Variants in VTI1A observed in about 807,000 individuals in gnomAD.
The protein encoded by VTI1A is vesicle transport through interaction with t-SNAREs 1A, also known as vesicle transport through interaction with t-SNAREs homolog 1A.
Under a neutral mutation model 34.9 loss-of-function variants are expected in VTI1A, and 22 were observed. The observed-to-expected ratio is 0.63, with a 90% CI of 0.45 to 0.90. The LOEUF (loss-of-function observed/expected upper bound fraction) is 0.90. Ranked by LOEUF, VTI1A falls within the 40% of genes least tolerant of loss-of-function variation. The pLI is 0.00. For synonymous variants in VTI1A, 87 were observed against 97.3 expected, an observed-to-expected ratio of 0.89 and a Z score of 0.62; for missense variants, 268 against 275.6, an observed-to-expected ratio of 0.97 and a Z score of 0.20.
In VTI1A at chr10:112,816,046, A is replaced by G. The variant is rs1853513005; in HGVS notation, c.*663A>G. ...GCCTGCCCAGTATTCACTGTTCACA[A>G]CTTTGATTACTGGCTACAAGAAATA... is the stretch of plus-strand genomic sequence containing the variant. On this transcript the variant is annotated 3_prime_UTR_variant, in exon 8 of 8. Coordinates refer to ENST00000393077, the MANE Select transcript of VTI1A (RefSeq NM_145206.4). 1 of 221,708 alleles carries G rather than the reference A, an allele frequency of 4.5e-6. No homozygotes were observed. The highest frequency in any genetic ancestry group is 6.6e-5 in the East Asian group (1 of 15,190). The allele number at this position is 221,708 out of a possible 1,614,324, so 13.7% of individuals were successfully genotyped here.
Position 112,551,441 on chromosome 10 carries a change from C to T in VTI1A, c.427+13111C>T, listed in dbSNP as rs565899607. Among the ~76,000 whole-genome samples the T allele has an allele frequency of 6.6e-5, 10 of 152,106 alleles. No homozygotes were observed. The South Asian group carries it at 1.9e-3, about 28-fold the overall frequency. ...ATGTGGACTGGACTTCTATTGATCTCTGCTATAGCAAGAAAAATACTGCCT... is the reference window on the plus strand; with the variant it reads ...ATGTGGACTGGACTTCTATTGATCTTTGCTATAGCAAGAAAAATACTGCCT... On this transcript the variant is annotated intron_variant, in intron 5 of 7. Transcript: ENST00000393077.
At chr10:112,512,153 G>T (rs1451986993) in intron 3 of VTI1A, among the ~76,000 whole-genome samples, 1 of 152,120 alleles carries the variant, frequency 6.6e-6, no homozygotes, top group Admixed American at 6.6e-5. Flanking sequence ...GTTTTTCACA[G>T]TGGCTGTACT....
intron 5 of VTI1A, among the ~76,000 whole-genome samples, chr10:112,623,459 ACT>A (rs1845806141): frequency 6.9e-6 from 1 of 145,734 alleles, no homozygotes; most frequent in Non-Finnish European, 1.5e-5. Flanking sequence ...TTTTGCCAGA[ACT>A]CTCTGAATCT....
the VTI1A span, among the ~76,000 whole-genome samples, chr10:112,837,060 C>T: frequency 1.1e-3 from 162 of 152,270 alleles, no homozygotes; most frequent in African/African-American, 2.3e-3. Flanking sequence ...TGGTGGCCCA[C>T]GCCTGTAATC....
chr10:112,854,718 G>A, the VTI1A span, among the ~76,000 whole-genome samples: 4 of 152,184 alleles, frequency 2.6e-5, no homozygotes, highest in African/African-American at 9.7e-5. Flanking sequence ...TTACCAGCTT[G>A]AAGAAAACCA....
intron 5 of VTI1A, among the ~76,000 whole-genome samples, chr10:112,605,132 C>A (rs1409954869): frequency 1.3e-5 from 2 of 152,134 alleles, no homozygotes; most frequent in African/African-American, 2.4e-5. Context: ...TCCTGATCTT[C>A]CCCCACACTC....
At chr10:112,695,981 A>G (rs535125334) in intron 7 of VTI1A, among the ~76,000 whole-genome samples, 19 of 152,236 alleles carry the variant, frequency 1.2e-4, no homozygotes, top group African/African-American at 4.6e-4. Context: ...ACATTGTACA[A>G]AGTGCACTAG....
chr10:112,632,072 C>A (rs1846149316), intron 5 of VTI1A, among the ~76,000 whole-genome samples: 2 of 152,064 alleles, frequency 1.3e-5, no homozygotes, highest in Non-Finnish European at 2.9e-5. Flanking sequence ...ATCTTTTCTC[C>A]AAGTTAGTGT....
At chr10:112,826,844 A>C in the VTI1A span, 1 of 152,224 alleles carries the variant, frequency 6.6e-6, no homozygotes, top group African/African-American at 2.4e-5. Flanking sequence ...AAATGGGTCT[A>C]AAGTAGCATC....
intron 1 of VTI1A, among the ~76,000 whole-genome samples, chr10:112,452,491 C>G (rs764098728): frequency 6.7e-6 from 1 of 149,806 alleles, no homozygotes; most frequent in African/African-American, 2.5e-5. Flanking sequence ...TTACTTGAAC[C>G]AGGGAGTCAG....
chr10:112,592,753 G>A (rs2134438563), intron 5 of VTI1A, among the ~76,000 whole-genome samples: 1 of 152,326 alleles, frequency 6.6e-6, no homozygotes, highest in African/African-American at 2.4e-5. Context: ...TACACAATCA[G>A]CAAATTATGA....
At chr10:112,564,423 T>C (rs1298136514) in intron 5 of VTI1A, among the ~76,000 whole-genome samples, 1 of 151,490 alleles carries the variant, frequency 6.6e-6, no homozygotes, top group East Asian at 1.9e-4. Flanking sequence ...AGACTTCTAC[T>C]GTGTGATTGA....
At chr10:112,712,474 T>TCACACACACACACACACACACACACA (rs60129148) in intron 7 of VTI1A, among the ~76,000 whole-genome samples, 1 of 143,406 alleles carries the variant, frequency 7.0e-6, no homozygotes, top group African/African-American at 2.6e-5. Context: ...TCAACTATTA[T>TCACACACACACACACACACACACACA]CACACACACA....
intron 5 of VTI1A, among the ~76,000 whole-genome samples, chr10:112,607,010 G>A (rs914692064): frequency 3.3e-5 from 5 of 152,090 alleles, no homozygotes; most frequent in African/African-American, 1.2e-4. Flanking sequence ...AAGTTGGCTG[G>A]GCATGATGGC....
At chr10:112,747,083 G>A (rs1319546517) in intron 7 of VTI1A, among the ~76,000 whole-genome samples, 1 of 152,126 alleles carries the variant, frequency 6.6e-6, no homozygotes, top group East Asian at 1.9e-4. Context: ...AGTCAGATTC[G>A]GGGGCCTGTG....
At chr10:112,531,113 G>C (rs1850421562) in intron 4 of VTI1A, among the ~76,000 whole-genome samples, 1 of 132,330 alleles carries the variant, frequency 7.6e-6, no homozygotes, top group African/African-American at 2.8e-5. Context: ...ACGTGCGCAC[G>C]TGCGCGCGCG....
At chr10:112,648,996 T>C (rs1181104425) in intron 5 of VTI1A, among the ~76,000 whole-genome samples, 1 of 152,212 alleles carries the variant, frequency 6.6e-6, no homozygotes, top group Non-Finnish European at 1.5e-5. Context: ...TTGGGGTATT[T>C]TTTTTAAGGT....
downstream of VTI1A, among the ~76,000 whole-genome samples, chr10:112,821,120 G>T (rs1188701683): frequency 1.3e-5 from 2 of 152,196 alleles, no homozygotes; most frequent in East Asian, 1.9e-4. Context: ...TCACAGAGGG[G>T]GCAGTCGCCA....
intron 5 of VTI1A, among the ~76,000 whole-genome samples, chr10:112,619,516 G>A (rs1167681656): frequency 1.3e-5 from 2 of 152,294 alleles, no homozygotes; most frequent in African/African-American, 4.8e-5. Flanking sequence ...CTCCACCTGG[G>A]AGGCCCCCAA....
Sources: gnomAD v4.1 joint callset for allele counts (sites outside exome capture counted in the v4.1 genomes callset) on GRCh38, gnomAD v4.1.1 for gene constraint, MANE v1.5 for transcripts, NCBI Gene and HGNC (gene_info 2026-07-23, HGNC 2026-07-21) for gene names.